The following REV1 variants were observed in gnomAD, a reference collection of about 807,000 sequenced individuals.
REV1 encodes the protein REV1 DNA directed polymerase.
REV1 carries 42 observed loss-of-function variants against 137.4 expected under a neutral mutation model. The ratio of observed to expected loss-of-function variants is 0.31; its 90% CI spans 0.24 to 0.40. The LOEUF is 0.40. REV1 is among the 10% of genes least tolerant of loss of function. The probability of loss-of-function intolerance (pLI) is 1.00; values close to 1 mark genes in which losing one functional copy is unlikely to be tolerated. For missense variants in REV1, 1,282 were observed against 1,490.1 expected (o/e 0.86, Z 2.30); for synonymous variants, 524 against 519.2 (o/e 1.01, Z -0.12).
At chr2:99,453,845 A>G (rs1226007368) in intron 3 of REV1, among the ~76,000 whole-genome samples, 1 of 145,518 alleles carries the variant, frequency 6.9e-6, no homozygotes, top group Non-Finnish European at 1.5e-5. Flanking sequence ...GTGAGCCAAG[A>G]TCACGCCACT....
In REV1 at chr2:99,403,547, A is replaced by G. The variant is rs1443894143; in HGVS notation, c.3166+148T>C. On this transcript the variant is annotated intron_variant, in intron 19 of 22. Transcript: ENST00000258428. ...ACTAGAAATATGATGATATTTACTC[A>G]TACTGTATACTTCAGATATTATCCC... 19 of 946,934 alleles carry G rather than the reference A, an allele frequency of 2.0e-5. No homozygotes were observed. The Admixed American group carries it at 4.2e-4, about 21-fold the overall frequency. The allele number at this position is 946,934 out of a possible 1,614,324, so 58.7% of individuals were successfully genotyped here.
rs376416750 is a variant in REV1 at position 99,401,380 on chromosome 2, T to C, written c.3645-28A>G. 6.9e-6 allele frequency: 10 copies of C among 1,447,468 alleles called. No individual in the cohort carries two copies. In the African/African-American group the frequency reaches 1.4e-4, roughly 20 times the overall value. 89.7% of individuals were successfully genotyped at this position (1,447,468 alleles called of 1,614,324 possible). A position where few individuals can be genotyped will look rare whatever the true frequency, so the allele number is the denominator to read the frequency against. On this transcript the variant is annotated intron_variant, in intron 22 of 22. Transcript: ENST00000258428. ...AAAGGTGGGGAGAGAAGAAATGTCA[T>C]TAGGAATTAGGAAAGGTCCTTAAGA...
intron 14 of REV1, 85 bp from the exon 15 acceptor site, chr2:99,408,216 TTA>T: frequency 1.5e-6 from 1 of 680,056 alleles, no homozygotes; most frequent in East Asian, 3.0e-5. Context: ...TTTAAAAGAG[TTA>T]TAGAAAAGTT....
chr2:99,458,808 A>C (rs1683821082), intron 3 of REV1, among the ~76,000 whole-genome samples: 1 of 152,238 alleles, frequency 6.6e-6, no homozygotes, highest in Non-Finnish European at 1.5e-5. Context: ...AACATTCTTG[A>C]AATGACAAAA....
chr2:99,437,819 G>T (rs1245152889), intron 6 of REV1, among the ~76,000 whole-genome samples: 2 of 151,910 alleles, frequency 1.3e-5, no homozygotes, highest in Non-Finnish European at 2.9e-5. Context: ...AGCATTTTTT[G>T]ACTAAAAGCA....
intron 17 of REV1, chr2:99,405,160 G>C (rs1340113082): frequency 6.2e-6 from 1 of 160,292 alleles, no homozygotes; most frequent in Non-Finnish European, 1.3e-5. Context: ...TGGAAGAAAG[G>C]GTTTCTAGAA....
chr2:99,450,617 C>A (rs1682812659), intron 3 of REV1, among the ~76,000 whole-genome samples: 1 of 152,108 alleles, frequency 6.6e-6, no homozygotes, highest in African/African-American at 2.4e-5. Context: ...TTACTGATTA[C>A]AAATATTAGC....
At chr2:99,462,433 C>T in intron 3 of REV1, 63 bp downstream of exon 3, 14 of 1,453,570 alleles carry the variant, frequency 9.6e-6, no homozygotes, top group Non-Finnish European at 1.3e-5. Flanking sequence ...AATTTTAAAA[C>T]AAATCATTCT....
Position 99,410,073 on chromosome 2 carries a change from C to T in REV1, c.2345+622G>A, listed in dbSNP as rs1325156742. On this transcript the variant is annotated intron_variant, in intron 14 of 22. Transcript: ENST00000258428. ...TTGCCCAGGCAGGAGTGCACTGGCGCGATCTCAGCTCACTGCAACCTCTGC... is the reference window on the plus strand; with the variant it reads ...TTGCCCAGGCAGGAGTGCACTGGCGTGATCTCAGCTCACTGCAACCTCTGC... 4.6e-5 allele frequency among the ~76,000 whole-genome samples: 7 copies of T among 152,108 alleles called. No individual in the cohort carries two copies. In the South Asian group the frequency reaches 6.2e-4, roughly 14 times the overall value.
chr2:99,401,226 GCT>G lies in REV1; in HGVS notation c.*13_*14del, dbSNP rs1559268133. 3.3e-6 allele frequency: 5 copies of G among 1,503,152 alleles called. No individual in the cohort carries two copies. The highest frequency in any genetic ancestry group is 2.3e-5 in the East Asian group (1 of 44,350). 93.1% of individuals were successfully genotyped at this position (1,503,152 alleles called of 1,614,324 possible). A position where few individuals can be genotyped will look rare whatever the true frequency, so the allele number is the denominator to read the frequency against. ...TGGCACAGCTATCAGAGAGCATCAG[GCT>G]CTCTGGTAATATTTATGTAACTTTT... On this transcript the variant is annotated 3_prime_UTR_variant, in exon 23 of 23. Coordinates refer to ENST00000258428, the MANE Select transcript of REV1 (RefSeq NM_016316.4).
chr2:99,413,448 A>AAAG (rs1677456734), intron 12 of REV1, among the ~76,000 whole-genome samples: 1 of 152,224 alleles, frequency 6.6e-6, no homozygotes, highest in South Asian at 2.1e-4. Context: ...AAAATGGGCC[A>AAAG]AAGTCCAGAA....
chr2:99,466,445 T>C, intron 1 of REV1, among the ~76,000 whole-genome samples: 1 of 152,082 alleles, frequency 6.6e-6, no homozygotes, highest in Non-Finnish European at 1.5e-5. Context: ...TTTCACCATG[T>C]TGGCCAGGCT....
intron 10 of REV1, 45 bp from the exon 11 acceptor site, chr2:99,421,698 A>G (rs1294161479): frequency 6.3e-7 from 1 of 1,584,432 alleles, no homozygotes; most frequent in South Asian, 1.2e-5. Context: ...CACAGCCACC[A>G]TCTGGTAGAC....
intron 1 of REV1, among the ~76,000 whole-genome samples, chr2:99,478,969 G>A (rs747967220): frequency 1.3e-5 from 2 of 152,158 alleles, no homozygotes; most frequent in Non-Finnish European, 2.9e-5. Flanking sequence ...ATGCTACAAC[G>A]TGTCCTAAGT....
At chr2:99,462,720 C>G in intron 2 of REV1, 98 bp from the exon 3 acceptor site, 2 of 1,215,690 alleles carry the variant, frequency 1.6e-6, no homozygotes, top group Non-Finnish European at 2.3e-6. Context: ...ATAAATGGAC[C>G]TTATTCTGTG....
intron 8 of REV1, 49 bp from the exon 9 acceptor site, chr2:99,429,997 C>T (rs1679916359): frequency 8.6e-7 from 1 of 1,165,232 alleles, no homozygotes; most frequent in African/African-American, 1.6e-5. Flanking sequence ...AACTGATTTT[C>T]CCTCACTTTT....
intron 9 of REV1, among the ~76,000 whole-genome samples, chr2:99,426,102 T>C (rs1474691955): frequency 6.6e-6 from 1 of 151,586 alleles, no homozygotes; most frequent in Admixed American, 6.6e-5. Context: ...TCCCAGCACT[T>C]TGGGAGGCCG....
chr2:99,404,241 T>G (rs1322334886), intron 18 of REV1, among the ~76,000 whole-genome samples: 1 of 152,178 alleles, frequency 6.6e-6, no homozygotes, highest in Non-Finnish European at 1.5e-5. Flanking sequence ...TCTTCCCTGC[T>G]GCTTCAGCGG....
At chr2:99,475,001 T>C (rs186883403) in intron 1 of REV1, among the ~76,000 whole-genome samples, 188 of 152,316 alleles carry the variant, frequency 1.2e-3, no homozygotes, top group Non-Finnish European at 2.5e-3. Context: ...AGTCATATTT[T>C]AGTTCCTCCG....
Sources: gnomAD v4.1 joint callset for allele counts (sites outside exome capture counted in the v4.1 genomes callset) on GRCh38, gnomAD v4.1.1 for gene constraint, MANE v1.5 for transcripts, NCBI Gene and HGNC (gene_info 2026-07-23, HGNC 2026-07-21) for gene names.